Variants in LUZP2 observed in about 807,000 individuals in gnomAD.
LUZP2 encodes leucine zipper protein 2.
LUZP2 carries 52 observed loss-of-function variants against 51.6 expected under a neutral mutation model. The ratio of observed to expected loss-of-function variants is 1.01; its 90% CI spans 0.81 to 1.27. The LOEUF is 1.27. Among genes scored for constraint, LUZP2 ranks in the 50% most tolerant of loss-of-function variants. The pLI, the probability that LUZP2 is intolerant of heterozygous loss-of-function variation, is 0.00. For synonymous variants in LUZP2, 154 were observed against 137.3 expected (o/e 1.12, Z -0.85); for missense variants, 436 against 395.4 (o/e 1.10, Z -0.87).
In LUZP2 at chr11:24,942,228, A is replaced by T. The variant is rs756934203; in HGVS notation, c.522+27690A>T. On this transcript the variant is annotated intron_variant, in intron 7 of 11. Transcript: ENST00000336930. ...AAATTTTATTTTGTTCTGGGGAAAA[A>T]TTAGGAGTAGAATAGTCAGGGCATA... is the stretch of plus-strand genomic sequence containing the variant. Among the ~76,000 whole-genome samples the T allele has an allele frequency of 3.7e-4, 57 of 152,270 alleles. 1 individual carries two copies. The highest frequency in any genetic ancestry group is 1.6e-4 in the Non-Finnish European group (11 of 68,020).
Position 25,011,797 on chromosome 11 carries a change from G to T in LUZP2, c.765+28504G>T, listed in dbSNP as rs558865372. ...TAATGATCAAGTCAGGGTATTCGGGGCATCTATCACCTTGTAGATTTATTA... is the reference window on the plus strand; with the variant it reads ...TAATGATCAAGTCAGGGTATTCGGGTCATCTATCACCTTGTAGATTTATTA... On this transcript the variant is annotated intron_variant, in intron 9 of 11. Transcript: ENST00000336930. 1.1e-3 allele frequency among the ~76,000 whole-genome samples: 161 copies of T among 151,990 alleles called. 1 individual carries two copies. The highest frequency in any genetic ancestry group is 3.7e-3 in the African/African-American group (154 of 41,488).
At chr11:24,962,653 G>GT (rs1855450719) in intron 7 of LUZP2, among the ~76,000 whole-genome samples, 1 of 152,060 alleles carries the variant, frequency 6.6e-6, no homozygotes, top group Admixed American at 6.6e-5. Flanking sequence ...GATTATTCTA[G>GT]TTATACATTC....
At chr11:24,632,660 G>A (rs1269977663) in intron 1 of LUZP2, among the ~76,000 whole-genome samples, 1 of 152,016 alleles carries the variant, frequency 6.6e-6, no homozygotes, top group Non-Finnish European at 1.5e-5. Flanking sequence ...ATTTAAAATA[G>A]ACGTGCTCCA....
At chr11:24,558,483 A>T (rs1163907966) in intron 1 of LUZP2, among the ~76,000 whole-genome samples, 1 of 151,768 alleles carries the variant, frequency 6.6e-6, no homozygotes, top group East Asian at 1.9e-4. Context: ...AATTATGTTC[A>T]TCACATTTGT....
intron 1 of LUZP2, among the ~76,000 whole-genome samples, chr11:24,605,597 G>A (rs922332540): frequency 6.6e-5 from 10 of 150,682 alleles, no homozygotes; most frequent in Admixed American, 2.6e-4. Flanking sequence ...ATTTTCTTAC[G>A]GTATTTTTCA....
At chr11:25,070,046 A>G (rs776909899) in intron 10 of LUZP2, among the ~76,000 whole-genome samples, 1 of 151,912 alleles carries the variant, frequency 6.6e-6, no homozygotes, top group Non-Finnish European at 1.5e-5. Flanking sequence ...AAACATCCAA[A>G]TGGGAGTCTA....
chr11:24,660,099 G>C (rs567810960), intron 1 of LUZP2, among the ~76,000 whole-genome samples: 1 of 152,124 alleles, frequency 6.6e-6, no homozygotes, highest in Admixed American at 6.6e-5. Flanking sequence ...CAGCCTTAAA[G>C]AAGGAAGCGA....
At chr11:24,718,803 C>A (rs1351185391) in intron 1 of LUZP2, among the ~76,000 whole-genome samples, 1 of 152,144 alleles carries the variant, frequency 6.6e-6, no homozygotes, top group Non-Finnish European at 1.5e-5. Flanking sequence ...AGATTTTGTG[C>A]TGTGAAATCA....
chr11:24,720,156 G>C (rs879694907), intron 1 of LUZP2, among the ~76,000 whole-genome samples: 2 of 151,962 alleles, frequency 1.3e-5, no homozygotes, highest in Admixed American at 6.6e-5. Flanking sequence ...TTCCCACAAA[G>C]GATTTGCAGG....
intron 1 of LUZP2, among the ~76,000 whole-genome samples, chr11:24,597,972 G>A (rs61875662): frequency 0.086 from 13,022 of 151,998 alleles, 641 homozygotes; most frequent in Admixed American, 0.12. Flanking sequence ...GTGATGGCAG[G>A]CATCTGTAAT....
chr11:24,641,512 T>A (rs1397332117), intron 1 of LUZP2, among the ~76,000 whole-genome samples: 2 of 151,960 alleles, frequency 1.3e-5, no homozygotes, highest in African/African-American at 4.8e-5. Flanking sequence ...CTGTTGAACA[T>A]CAAAAGGTGA....
intron 4 of LUZP2, among the ~76,000 whole-genome samples, chr11:24,750,362 A>G (rs888585270): frequency 6.6e-6 from 1 of 152,202 alleles, no homozygotes; most frequent in Non-Finnish European, 1.5e-5. Context: ...CATCATTTGC[A>G]TTATACTTGC....
chr11:24,924,944 T>C (rs1209684547), intron 7 of LUZP2, among the ~76,000 whole-genome samples: 3 of 152,024 alleles, frequency 2.0e-5, no homozygotes, highest in African/African-American at 7.2e-5. Context: ...TCAGAGAGAA[T>C]AGATTGTAAA....
intron 1 of LUZP2, among the ~76,000 whole-genome samples, chr11:24,669,284 A>T (rs1252969634): frequency 6.6e-6 from 1 of 152,160 alleles, no homozygotes; most frequent in Non-Finnish European, 1.5e-5. Flanking sequence ...TTTGTCTTCC[A>T]AATTAATTAT....
chr11:25,011,131 T>A (rs1856974161), intron 9 of LUZP2, among the ~76,000 whole-genome samples: 1 of 152,148 alleles, frequency 6.6e-6, no homozygotes, highest in African/African-American at 2.4e-5. Flanking sequence ...ATATATATTT[T>A]ATTTTAGTTT....
chr11:24,799,942 A>T (rs1849650733), intron 5 of LUZP2, among the ~76,000 whole-genome samples: 2 of 152,206 alleles, frequency 1.3e-5, no homozygotes, highest in African/African-American at 4.8e-5. Flanking sequence ...GCAATAAATG[A>T]TAATTGTAAT....
chr11:24,711,147 T>C (rs1167042008), intron 1 of LUZP2, among the ~76,000 whole-genome samples: 1 of 152,158 alleles, frequency 6.6e-6, no homozygotes, highest in Non-Finnish European at 1.5e-5. Context: ...CAGAAAGCAT[T>C]GCTTTAATAA....
In LUZP2 at chr11:24,834,782, A is replaced by G. The variant is rs184788530; in HGVS notation, c.397-71209A>G. On this transcript the variant is annotated intron_variant, in intron 5 of 11. Transcript: ENST00000336930. ...TTGTTTTCTGACTTTCATAATTGCCATTCTGACTGGTGTGAGATGGTATCT... is the reference window on the plus strand; with the variant it reads ...TTGTTTTCTGACTTTCATAATTGCCGTTCTGACTGGTGTGAGATGGTATCT... Among the ~76,000 whole-genome samples the G allele has an allele frequency of 3.3e-3, 496 of 152,246 alleles. 2 individuals are homozygous for G. Among genetic ancestry groups the G allele is most frequent in the African/African-American group, 0.011 (459 of 41,548 alleles).
intron 1 of LUZP2, among the ~76,000 whole-genome samples, chr11:24,507,843 A>G (rs1850187849): frequency 3.3e-5 from 5 of 152,052 alleles, no homozygotes; most frequent in Admixed American, 3.3e-4. Flanking sequence ...GTTTTGCATG[A>G]TGTTAAACAC....
Sources: gnomAD v4.1 joint callset for allele counts (sites outside exome capture counted in the v4.1 genomes callset) on GRCh38, gnomAD v4.1.1 for gene constraint, MANE v1.5 for transcripts, NCBI Gene and HGNC (gene_info 2026-07-23, HGNC 2026-07-21) for gene names.